Variants in CSMD1 observed in about 807,000 individuals in gnomAD.
CSMD1 encodes the protein CUB and sushi domain-containing protein 1.
In CSMD1, 213 loss-of-function variants were observed where a neutral mutation model predicts 417.5. The observed-to-expected ratio is 0.51, with a 90% CI of 0.46 to 0.57. The LOEUF is 0.57. Among genes scored for constraint, CSMD1 ranks in the 20% least tolerant of loss-of-function variants. The pLI is 0.00. For missense variants in CSMD1, 6,923 were observed against 4,529.7 expected (o/e 1.53, Z -15.17); for synonymous variants, 2,862 against 1,736.8 (o/e 1.65, Z -16.11).
intron 2 of CSMD1, among the ~76,000 whole-genome samples, chr8:4,453,291 T>TCC (rs1460905488): frequency 6.6e-6 from 1 of 151,010 alleles, no homozygotes; most frequent in Non-Finnish European, 1.5e-5. Context: ...GAATTTACAC[T>TCC]CCCACTGGCA....
At chr8:3,892,935 T>A (rs1807084344) in intron 5 of CSMD1, among the ~76,000 whole-genome samples, 1 of 149,306 alleles carries the variant, frequency 6.7e-6, no homozygotes, top group Non-Finnish European at 1.5e-5. Context: ...GAAATTAACT[T>A]GAAGGAAGTT....
chr8:3,447,090 G>C (rs1044381499), intron 12 of CSMD1, among the ~76,000 whole-genome samples: 1 of 152,110 alleles, frequency 6.6e-6, no homozygotes, highest in Non-Finnish European at 1.5e-5. Context: ...TATATTTTGA[G>C]TACCTCATTA....
chr8:3,864,047 G>A (rs1233029007), intron 5 of CSMD1, among the ~76,000 whole-genome samples: 1 of 152,164 alleles, frequency 6.6e-6, no homozygotes. Context: ...TAGTGAAGAT[G>A]AATGTGAAGA....
At position 4,409,279 on chromosome 8, in the gene CSMD1, C is replaced by CG. The variant is rs1378775915; in HGVS notation, c.415+10673dup. On this transcript the variant is annotated intron_variant, in intron 3 of 69. Transcript: ENST00000635120. ...ACTTCCTACTTATTTCCAGTGTTCT[C>CG]GGCTTTGTGTTAAGTCAATATATGT... Among the ~76,000 whole-genome samples the CG allele has an allele frequency of 2.0e-5, 3 of 152,256 alleles. No individual in the cohort carries two copies. The East Asian group carries it at 5.8e-4, about 29-fold the overall frequency.
At chr8:4,077,979 C>T (rs552995464) in intron 3 of CSMD1, among the ~76,000 whole-genome samples, 7 of 152,142 alleles carry the variant, frequency 4.6e-5, no homozygotes, top group East Asian at 1.9e-4. Context: ...CCAGGCTCTC[C>T]GATTCCTCTT....
At chr8:3,476,781 G>C (rs994910419) in intron 11 of CSMD1, among the ~76,000 whole-genome samples, 1 of 152,012 alleles carries the variant, frequency 6.6e-6, no homozygotes, top group Non-Finnish European at 1.5e-5. Flanking sequence ...AGCCAGGCTT[G>C]GTGGCAGACA....
chr8:3,163,657 A>G (rs1168022707), intron 37 of CSMD1, among the ~76,000 whole-genome samples: 2 of 152,102 alleles, frequency 1.3e-5, no homozygotes, highest in Non-Finnish European at 2.9e-5. Context: ...TAAAATGATT[A>G]AGAACTTCAA....
intron 10 of CSMD1, among the ~76,000 whole-genome samples, chr8:3,556,934 A>G (rs895682344): frequency 1.3e-5 from 2 of 152,138 alleles, no homozygotes; most frequent in Non-Finnish European, 2.9e-5. Context: ...TTTCAAACAC[A>G]CACATAAAGC....
chr8:4,129,072 C>A (rs1203041237), intron 3 of CSMD1, among the ~76,000 whole-genome samples: 11 of 43,962 alleles, frequency 2.5e-4, no homozygotes, highest in African/African-American at 8.2e-4. Context: ...GAGAGTCCAA[C>A]TCAAAAAAAA....
At chr8:4,396,167 C>T (rs563474062) in intron 3 of CSMD1, among the ~76,000 whole-genome samples, 1 of 152,096 alleles carries the variant, frequency 6.6e-6, no homozygotes, top group East Asian at 1.9e-4. Context: ...ATTTGCAAAG[C>T]AAGAATAACA....
chr8:4,542,558 T>C (rs975727977), intron 2 of CSMD1, among the ~76,000 whole-genome samples: 3 of 152,330 alleles, frequency 2.0e-5, no homozygotes, highest in East Asian at 3.9e-4. Flanking sequence ...AAGGGTGCTG[T>C]CATTTTTGCC....
At chr8:4,083,529 T>G (rs990145427) in intron 3 of CSMD1, among the ~76,000 whole-genome samples, 3 of 152,026 alleles carry the variant, frequency 2.0e-5, no homozygotes, top group African/African-American at 4.8e-5. Flanking sequence ...CCTGCAGAAA[T>G]AATGCCGCAT....
intron 2 of CSMD1, among the ~76,000 whole-genome samples, chr8:4,571,192 T>C (rs1419384330): frequency 6.6e-6 from 1 of 152,158 alleles, no homozygotes; most frequent in Admixed American, 6.6e-5. Context: ...TAGGTTTGAA[T>C]TTGTTTGCTC....
chr8:4,237,031 A>G lies in CSMD1; in HGVS notation c.415+182922T>C, dbSNP rs560162059. 7.2e-5 allele frequency among the ~76,000 whole-genome samples: 11 copies of G among 152,312 alleles called. No individual in the cohort carries two copies. In the South Asian group the frequency reaches 1.5e-3, roughly 20 times the overall value. ...AATCGCGCTCCATTGCTTCATGGATATATGTGTTGCCATGGACAGATAACA... is the reference window on the plus strand; with the variant it reads ...AATCGCGCTCCATTGCTTCATGGATGTATGTGTTGCCATGGACAGATAACA... On this transcript the variant is annotated intron_variant, in intron 3 of 69. Coordinates refer to ENST00000635120, the MANE Select transcript of CSMD1 (RefSeq NM_033225.6).
chr8:4,027,288 A>G (rs866692718), intron 4 of CSMD1, among the ~76,000 whole-genome samples: 3 of 152,130 alleles, frequency 2.0e-5, no homozygotes, highest in South Asian at 4.1e-4. Context: ...ATGTTAGGAG[A>G]GAGTGAGTCA....
intron 3 of CSMD1, among the ~76,000 whole-genome samples, chr8:4,076,205 T>C (rs1016821947): frequency 2.0e-5 from 3 of 152,166 alleles, no homozygotes; most frequent in Non-Finnish European, 4.4e-5. Context: ...CAAGATCTAA[T>C]GGTTTTAGAA....
chr8:3,144,863 T>C (rs911884392), intron 40 of CSMD1, among the ~76,000 whole-genome samples: 1 of 149,568 alleles, frequency 6.7e-6, no homozygotes, highest in African/African-American at 2.5e-5. Context: ...CTGTGTCCCT[T>C]GGTTTGGAGC....
chr8:3,284,762 G>A (rs6558752), intron 25 of CSMD1: 95,479 of 166,532 alleles, frequency 0.57, 28,473 homozygotes, highest in Admixed American at 0.68. Flanking sequence ...GAAATGCCCC[G>A]CTAGGTGGCA....
chr8:3,960,841 A>G (rs1812276790), intron 5 of CSMD1, among the ~76,000 whole-genome samples: 1 of 151,998 alleles, frequency 6.6e-6, no homozygotes, highest in Admixed American at 6.6e-5. Context: ...TGCAATCGTA[A>G]CATTGTCATA....
Sources: gnomAD v4.1 joint callset for allele counts (sites outside exome capture counted in the v4.1 genomes callset) on GRCh38, gnomAD v4.1.1 for gene constraint, MANE v1.5 for transcripts, NCBI Gene and HGNC (gene_info 2026-07-23, HGNC 2026-07-21) for gene names.